Variants in CFAP97 observed in about 807,000 individuals in gnomAD.
CFAP97 encodes cilia and flagella associated protein 97, also known as cilia- and flagella-associated protein 97.
In CFAP97, 36 loss-of-function variants were observed where a neutral mutation model predicts 43.1. The ratio of observed to expected loss-of-function variants is 0.84; its 90% CI spans 0.64 to 1.10. CFAP97 has a LOEUF of 1.10. Among genes scored for constraint, CFAP97 ranks in the 50% least tolerant of loss-of-function variants. The pLI is 0.00. For synonymous variants in CFAP97, 228 were observed against 225.7 expected (o/e 1.01, Z -0.09); for missense variants, 657 against 620.3 (o/e 1.06, Z -0.63).
At chr4:185,200,727 CA>C (rs1255953728) in intron 1 of CFAP97, among the ~76,000 whole-genome samples, 1 of 151,752 alleles carries the variant, frequency 6.6e-6, no homozygotes, top group African/African-American at 2.4e-5. Flanking sequence ...GTTGAGGCTG[CA>C]ATGACCTGGG....
chr4:185,186,746 T>G (rs984586604), intron 2 of CFAP97, among the ~76,000 whole-genome samples: 6 of 152,134 alleles, frequency 3.9e-5, no homozygotes, highest in African/African-American at 1.4e-4. Flanking sequence ...ATTACTACTA[T>G]TAAACAAATC....
In CFAP97 at chr4:185,194,072, C is replaced by T. The variant is rs555356491; in HGVS notation, c.-16-2860G>A. On this transcript the variant is annotated intron_variant, in intron 1 of 4. Coordinates refer to ENST00000458385, the MANE Select transcript of CFAP97 (RefSeq NM_020827.3). Reference sequence around the variant, plus strand: ...TAAATAAAGTTTTATTGGAACACAGCCCCACTGATGGGTATATGTATTGTC... The same window carrying T: ...TAAATAAAGTTTTATTGGAACACAGTCCCACTGATGGGTATATGTATTGTC... Among the ~76,000 whole-genome samples the T allele has an allele frequency of 4.6e-5, 7 of 152,278 alleles. No homozygotes were observed. The East Asian group carries it at 1.3e-3, about 29-fold the overall frequency.
At chr4:185,205,384 GT>G, upstream of CFAP97, among the ~76,000 whole-genome samples, 1 of 151,896 alleles carries the variant, frequency 6.6e-6, no homozygotes, top group East Asian at 1.9e-4. Context: ...AACTCCGGAG[GT>G]GGAGGTTGCA....
chr4:185,185,754 AACCTC>A (rs1735982956), intron 2 of CFAP97, among the ~76,000 whole-genome samples: 1 of 149,482 alleles, frequency 6.7e-6, no homozygotes, highest in Non-Finnish European at 1.5e-5. Flanking sequence ...CTCCTATCTC[AACCTC>A]CCCCCGCAGC....
rs553673605 is a variant in CFAP97 at position 185,195,872 on chromosome 4, T to C, written c.-16-4660A>G. 7.5e-4 allele frequency among the ~76,000 whole-genome samples: 114 copies of C among 152,260 alleles called. 1 individual carries two copies. The highest frequency in any genetic ancestry group is 1.3e-3 in the Non-Finnish European group (90 of 68,016). On this transcript the variant is annotated intron_variant, in intron 1 of 4. Transcript: ENST00000458385. ...ACCTTTTTTTGTGAGATAATTCACC[T>C]TTGAAAACAAAATGTCAAGGAGTGG... is the stretch of plus-strand genomic sequence containing the variant.
upstream of CFAP97, among the ~76,000 whole-genome samples, chr4:185,205,969 A>G (rs1261406288): frequency 6.6e-6 from 1 of 152,238 alleles, no homozygotes; most frequent in Non-Finnish European, 1.5e-5. Context: ...CAAGTCAAAA[A>G]CACAATGAGA....
chr4:185,206,296 A>G (rs987057301), upstream of CFAP97, among the ~76,000 whole-genome samples: 9 of 152,208 alleles, frequency 5.9e-5, no homozygotes, highest in East Asian at 1.7e-3. Context: ...GTAGATACAT[A>G]AAATGGAATA....
chr4:185,163,968 GT>G, intron 4 of CFAP97, 60 bp downstream of exon 4: 3 of 1,470,116 alleles, frequency 2.0e-6, no homozygotes, highest in Middle Eastern at 1.8e-4. Flanking sequence ...AACATGTTAC[GT>G]TTTTTTAAAA....
intron 3 of CFAP97, among the ~76,000 whole-genome samples, chr4:185,165,273 C>T (rs565350214): frequency 6.6e-6 from 1 of 151,936 alleles, no homozygotes; most frequent in South Asian, 2.1e-4. Flanking sequence ...GACAACATGG[C>T]GAAACGCTAT....
At chr4:185,209,610 G>A, upstream of CFAP97, 1 of 434,596 alleles carries the variant, frequency 2.3e-6, no homozygotes, top group South Asian at 9.6e-5. The surrounding 1 kb of genome is among the most constrained non-coding windows in gnomAD (Gnocchi z 5.2). Context: ...TCACAACACG[G>A]TGGGGCTCCC....
chr4:185,206,207 C>G (rs1193571660), upstream of CFAP97, among the ~76,000 whole-genome samples: 1 of 152,122 alleles, frequency 6.6e-6, no homozygotes, highest in East Asian at 1.9e-4. Context: ...ACTTATGCAC[C>G]CATGTTCATA....
In CFAP97 at chr4:185,176,051, G is replaced by C; in HGVS notation, c.1055C>G (p.Ala352Gly). Residue 352 changes from alanine (A) to glycine (G), a missense_variant and splice_region_variant, in exon 3 of 5, where the codon GCT becomes GGT. By Grantham distance (60) the Ala-to-Gly change is moderately conservative (BLOSUM62 0). Coordinates refer to ENST00000458385, the MANE Select transcript of CFAP97 (RefSeq NM_020827.3). The stretch of plus-strand genomic sequence containing the variant: ...TCCTTTTTTATCTAATTGCAGAAAA[G>C]CTACAGAAAAGAACAAAAAAAAAAG... ...DTMDLNHLLK[A>G]FLQLDKKGPQ... is the part of the protein sequence containing the mutation. 6.5e-7 allele frequency: 1 copy of C among 1,542,254 alleles called. No individual in the cohort carries two copies. Among genetic ancestry groups the C allele is most frequent in the South Asian group, 1.2e-5 (1 of 82,638 alleles).
intron 2 of CFAP97, among the ~76,000 whole-genome samples, chr4:185,177,413 CAA>C (rs35714715): frequency 2.8e-5 from 4 of 142,956 alleles, no homozygotes; most frequent in Non-Finnish European, 3.1e-5. Context: ...ACTCTGTCTC[CAA>C]AAAAAAAAAA....
upstream of CFAP97, chr4:185,209,964 G>A: frequency 2.0e-6 from 2 of 983,526 alleles, no homozygotes; most frequent in South Asian, 4.6e-5. This position sits in a 1 kb window ranked among gnomAD's most constrained non-coding sequence, Gnocchi z 5.2. Flanking sequence ...CAGCAGCAGC[G>A]GCGGCGCCGG....
chr4:185,195,253 C>T (rs1736486825), intron 1 of CFAP97, among the ~76,000 whole-genome samples: 1 of 152,086 alleles, frequency 6.6e-6, no homozygotes, highest in South Asian at 2.1e-4. Flanking sequence ...GTTAGGGAGG[C>T]CAAGGTGGGA....
At chr4:185,181,980 A>C (rs750439378) in intron 2 of CFAP97, among the ~76,000 whole-genome samples, 1 of 152,088 alleles carries the variant, frequency 6.6e-6, no homozygotes, top group Non-Finnish European at 1.5e-5. Flanking sequence ...AAATTTAACC[A>C]GTTTCTTTGC....
chr4:185,164,033 T>G lies in CFAP97; in HGVS notation c.1467A>C (p.Pro489=). The G allele has an allele frequency of 6.2e-7, 1 of 1,610,754 alleles. No homozygotes were observed. The part of the protein sequence containing the change: ...RARSTLGQYS[P]LRASRTSSAT... ...AATAATTTCCAAAATGCTTACTTAA[T>G]GGGCTATATTGGCCAAGAGTGGATC... Residue 489 remains proline (P), a synonymous_variant, in exon 4 of 5, where the codon CCA becomes CCC. Coordinates refer to ENST00000458385, the MANE Select transcript of CFAP97 (RefSeq NM_020827.3).
intron 3 of CFAP97, among the ~76,000 whole-genome samples, chr4:185,175,238 T>TTCTCTCTC (rs10638706): frequency 2.7e-5 from 4 of 149,164 alleles, no homozygotes; most frequent in Admixed American, 6.7e-5. Context: ...AATGGTCTCC[T>TTCTCTCTC]TCTCTCTCTC....
Position 185,190,792 on chromosome 4 carries a change from T to C in CFAP97, c.405A>G (p.Gly135=). The change falls in exon 2 of 5, where the codon GGA becomes GGG. Residue 135 remains glycine, a synonymous_variant. Coordinates refer to ENST00000458385, the MANE Select transcript of CFAP97 (RefSeq NM_020827.3). The stretch of plus-strand genomic sequence containing the variant: ...TCTTCCCATCATCACTGCTTTCCTC[T>C]CCATCTGTGTAGTAATCATCTTCAC... ...KEGEDDYYTD[G]EESSDDGKKY... The C allele has an allele frequency of 6.2e-7, 1 of 1,606,554 alleles. No individual in the cohort carries two copies. Among genetic ancestry groups the C allele is most frequent in the Non-Finnish European group, 8.5e-7 (1 of 1,175,800 alleles).
Sources: gnomAD v4.1 joint callset for allele counts (sites outside exome capture counted in the v4.1 genomes callset) on GRCh38, gnomAD v4.1.1 for gene constraint, Gnocchi (gnomAD v3.1) non-coding constraint, MANE v1.5 for transcripts, NCBI Gene and HGNC (gene_info 2026-07-23, HGNC 2026-07-21) for gene names.